FILIP1L: variants seen among roughly 807,000 people sequenced by gnomAD.
FILIP1L encodes filamin A interacting protein 1 like.
A neutral mutation model predicts 96.6 loss-of-function variants in FILIP1L; 55 were observed. The observed-to-expected ratio is 0.57, with a 90% CI of 0.46 to 0.71. FILIP1L has a LOEUF of 0.71. FILIP1L is among the 30% of genes least tolerant of loss of function. FILIP1L has a pLI of 0.00. For missense variants in FILIP1L, 1,304 were observed against 1,321.2 expected (o/e 0.99, Z 0.20); for synonymous variants, 467 against 473.9 (o/e 0.99, Z 0.19).
chr3:99,841,546 G>A (rs1943131920), intron 5 of FILIP1L, among the ~76,000 whole-genome samples: 1 of 152,142 alleles, frequency 6.6e-6, no homozygotes, highest in South Asian at 2.1e-4. Flanking sequence ...CCTCAGGAAT[G>A]GCTGAGGACG....
chr3:99,957,043 G>C lies in FILIP1L; in HGVS notation c.-10-26013C>G, dbSNP rs567676910. On this transcript the variant is annotated intron_variant, in intron 1 of 5. Transcript: ENST00000477258. ...CCCAGCTGCCCAAGCTAGAAATCTT[G>C]ATGCTATTTTGTACCTCCTCTTAAC... Among the ~76,000 whole-genome samples the C allele has an allele frequency of 2.0e-5, 3 of 152,266 alleles. No homozygotes were observed. In the South Asian group the frequency reaches 6.2e-4, roughly 32 times the overall value.
intron 3 of FILIP1L, among the ~76,000 whole-genome samples, chr3:99,927,777 G>T (rs555140006): frequency 5.9e-5 from 9 of 152,180 alleles, no homozygotes; most frequent in Non-Finnish European, 7.4e-5. Context: ...AGGAATAGGA[G>T]GTCAAAACTC....
At chr3:100,073,602 A>AT (rs1219448679) in intron 1 of FILIP1L, among the ~76,000 whole-genome samples, 1 of 152,164 alleles carries the variant, frequency 6.6e-6, no homozygotes, top group Non-Finnish European at 1.5e-5. Flanking sequence ...AAATATCTTC[A>AT]TTTAGCACAT....
chr3:99,974,599 C>A (rs1353788298), intron 1 of FILIP1L, among the ~76,000 whole-genome samples: 1 of 151,892 alleles, frequency 6.6e-6, no homozygotes, highest in Non-Finnish European at 1.5e-5. Context: ...CCCAGCTACT[C>A]GGGAGGCTGA....
intron 1 of FILIP1L, among the ~76,000 whole-genome samples, chr3:100,091,846 G>A (rs1047296480): frequency 5.9e-5 from 9 of 152,100 alleles, no homozygotes; most frequent in Non-Finnish European, 1.0e-4. Flanking sequence ...ACATTGTTCC[G>A]ATTCCACGTT....
intron 1 of FILIP1L, among the ~76,000 whole-genome samples, chr3:100,110,444 A>G (rs139743989): frequency 1.4e-4 from 21 of 152,216 alleles, no homozygotes; most frequent in African/African-American, 5.1e-4. Flanking sequence ...TTCCTAGTCA[A>G]GTGATTGTCC....
At chr3:100,060,167 T>G (rs2065537038) in intron 1 of FILIP1L, among the ~76,000 whole-genome samples, 1 of 152,044 alleles carries the variant, frequency 6.6e-6, no homozygotes, top group African/African-American at 2.4e-5. Context: ...GGTGCCAGAC[T>G]GAAGAGGTTG....
At chr3:99,976,234 T>C (rs1015282369) in intron 1 of FILIP1L, among the ~76,000 whole-genome samples, 6 of 152,178 alleles carry the variant, frequency 3.9e-5, no homozygotes, top group African/African-American at 1.4e-4. Context: ...GTCCATATAG[T>C]GTATGCTGCT....
At chr3:99,890,288 T>C (rs868328975) in intron 4 of FILIP1L, among the ~76,000 whole-genome samples, 7 of 152,144 alleles carry the variant, frequency 4.6e-5, no homozygotes, top group Admixed American at 3.3e-4. Flanking sequence ...ATCTTCCCTT[T>C]GTCTTTGATA....
At chr3:99,883,738 A>G (rs1478317866) in intron 4 of FILIP1L, among the ~76,000 whole-genome samples, 8 of 152,232 alleles carry the variant, frequency 5.3e-5, no homozygotes, top group Admixed American at 1.3e-4. Flanking sequence ...AAAAACAATA[A>G]TAGGTGACAC....
chr3:99,998,791 G>A (rs895430021), intron 1 of FILIP1L, among the ~76,000 whole-genome samples: 5 of 152,120 alleles, frequency 3.3e-5, no homozygotes, highest in Non-Finnish European at 7.4e-5. Context: ...GGATGGTCTC[G>A]ATCTCCTGAC....
intron 1 of FILIP1L, among the ~76,000 whole-genome samples, chr3:100,084,670 T>C (rs943315201): frequency 6.6e-6 from 1 of 152,220 alleles, no homozygotes; most frequent in Non-Finnish European, 1.5e-5. Context: ...GTTAGAGAAA[T>C]TGTCACTTAC....
At chr3:100,065,165 A>C (rs537572371) in intron 1 of FILIP1L, among the ~76,000 whole-genome samples, 75 of 152,284 alleles carry the variant, frequency 4.9e-4, no homozygotes, top group African/African-American at 1.7e-3. Flanking sequence ...GTGATGTAAC[A>C]ATGCGGGTTC....
chr3:99,870,864 C>T (rs1406347718), intron 4 of FILIP1L, among the ~76,000 whole-genome samples: 2 of 152,166 alleles, frequency 1.3e-5, no homozygotes, highest in Non-Finnish European at 2.9e-5. Flanking sequence ...GTGCATCTTC[C>T]AGGCCTTCAC....
chr3:99,974,866 C>G (rs1046965949), intron 1 of FILIP1L, among the ~76,000 whole-genome samples: 6 of 152,188 alleles, frequency 3.9e-5, no homozygotes, highest in Non-Finnish European at 8.8e-5. Flanking sequence ...TTTCCTACCC[C>G]TTGGCATGGG....
At chr3:99,925,814 A>C in intron 3 of FILIP1L, 1 of 984,022 alleles carries the variant, frequency 1.0e-6, no homozygotes, top group Non-Finnish European at 1.2e-6. Flanking sequence ...GCCAGTGGCC[A>C]AAAGCATCAC....
At chr3:99,869,327 T>C (rs1232455224) in intron 4 of FILIP1L, among the ~76,000 whole-genome samples, 2 of 152,160 alleles carry the variant, frequency 1.3e-5, no homozygotes, top group Admixed American at 6.5e-5. Context: ...GGGGCAGAAT[T>C]TGGGGGGAGA....
intron 4 of FILIP1L, among the ~76,000 whole-genome samples, chr3:99,913,302 A>G (rs1428871990): frequency 3.3e-5 from 5 of 152,206 alleles, no homozygotes; most frequent in South Asian, 2.1e-4. Context: ...CCAATGCACC[A>G]TTTTACATTA....
intron 1 of FILIP1L, among the ~76,000 whole-genome samples, chr3:100,106,024 C>T (rs922291160): frequency 3.9e-5 from 6 of 152,112 alleles, no homozygotes; most frequent in African/African-American, 1.4e-4. Flanking sequence ...GAAGTCAAGA[C>T]AGACAGATTA....
Sources: allele counts gnomAD v4.1 joint callset (sites outside exome capture counted in the v4.1 genomes callset), GRCh38; gene constraint gnomAD v4.1.1; transcripts MANE v1.5; gene names NCBI Gene and HGNC (gene_info 2026-07-23, HGNC 2026-07-21).